The following JAKMIP2 variants were observed in gnomAD, a reference collection of about 807,000 sequenced individuals.
The protein encoded by JAKMIP2 is janus kinase and microtubule interacting protein 2.
In JAKMIP2, 25 loss-of-function variants were observed where a neutral mutation model predicts 115.0. The ratio of observed to expected loss-of-function variants is 0.22; its 90% confidence interval spans 0.16 to 0.30. The LOEUF is 0.30. Among genes scored for constraint, JAKMIP2 ranks in the 10% least tolerant of loss-of-function variants. The probability of loss-of-function intolerance (pLI) is 1.00; values close to 1 mark genes in which losing one functional copy is unlikely to be tolerated. For missense variants in JAKMIP2, 642 were observed against 957.6 expected (o/e 0.67, Z 4.35); for synonymous variants, 334 against 343.6 (o/e 0.97, Z 0.31).
At chr5:147,596,928 G>A (rs1755418818) in intron 21 of JAKMIP2, among the ~76,000 whole-genome samples, 1 of 152,078 alleles carries the variant, frequency 6.6e-6, no homozygotes, top group South Asian at 2.1e-4. Flanking sequence ...CTGGAGTGTA[G>A]TGGTACAATC....
chr5:147,655,442 T>C (rs1431649032), intron 3 of JAKMIP2, among the ~76,000 whole-genome samples: 1 of 152,204 alleles, frequency 6.6e-6, no homozygotes, highest in Non-Finnish European at 1.5e-5. Context: ...GGTGTAAGTG[T>C]CCAGGAATTC....
At chr5:147,627,678 TAA>T (rs768481105) in intron 16 of JAKMIP2, among the ~76,000 whole-genome samples, 1,686 of 70,250 alleles carry the variant, frequency 0.024, 49 homozygotes, top group East Asian at 0.14. Context: ...AGCCTTTCTG[TAA>T]AAAAAAAAAA....
chr5:147,652,037 A>T (rs1010956480), intron 3 of JAKMIP2, among the ~76,000 whole-genome samples: 3 of 152,182 alleles, frequency 2.0e-5, no homozygotes, highest in Admixed American at 6.5e-5. Context: ...TCATTCTATT[A>T]CTGCCCACAT....
chr5:147,704,631 A>T (rs1209660425), intron 1 of JAKMIP2, among the ~76,000 whole-genome samples: 2 of 152,164 alleles, frequency 1.3e-5, no homozygotes, highest in East Asian at 3.9e-4. Context: ...TAAATTAGCC[A>T]TTATTAGCTT....
At chr5:147,612,825 T>A (rs1756397396) in intron 19 of JAKMIP2, among the ~76,000 whole-genome samples, 1 of 152,238 alleles carries the variant, frequency 6.6e-6, no homozygotes. Context: ...AGATTTTGAT[T>A]GTTTGTTACC....
At chr5:147,720,900 A>G (rs1411885423) in intron 1 of JAKMIP2, among the ~76,000 whole-genome samples, 27 of 151,384 alleles carry the variant, frequency 1.8e-4, no homozygotes, top group Admixed American at 5.9e-4. Flanking sequence ...GAGGAACTGC[A>G]TTCCTTTGGA....
At chr5:147,688,569 T>C (rs995626345) in intron 1 of JAKMIP2, among the ~76,000 whole-genome samples, 1 of 152,220 alleles carries the variant, frequency 6.6e-6, no homozygotes, top group Non-Finnish European at 1.5e-5. Context: ...CTTTTAATCA[T>C]TCACATAACA....
intron 1 of JAKMIP2, among the ~76,000 whole-genome samples, chr5:147,779,458 G>T (rs2127095315): frequency 6.6e-6 from 1 of 151,582 alleles, no homozygotes; most frequent in African/African-American, 2.4e-5. Flanking sequence ...GAATTACTTT[G>T]TACAAAGACC....
chr5:147,758,349 G>A (rs1297271361), intron 1 of JAKMIP2, among the ~76,000 whole-genome samples: 1 of 151,920 alleles, frequency 6.6e-6, no homozygotes, highest in Non-Finnish European at 1.5e-5. Flanking sequence ...TTTTAGGAGA[G>A]GTAAAAATAA....
At chr5:147,686,908 A>C (rs1314320561) in intron 1 of JAKMIP2, among the ~76,000 whole-genome samples, 2 of 152,176 alleles carry the variant, frequency 1.3e-5, no homozygotes, top group African/African-American at 4.8e-5. Context: ...TTAAGTTTTA[A>C]GCTATTTCTA....
At chr5:147,646,116 G>T (rs887250712) in intron 5 of JAKMIP2, among the ~76,000 whole-genome samples, 2 of 152,136 alleles carry the variant, frequency 1.3e-5, no homozygotes, top group Non-Finnish European at 2.9e-5. Flanking sequence ...CTGTTCTTGA[G>T]ATTCTAAGAT....
rs373857667 is a variant in JAKMIP2, at chr5:147,673,098, T to C, written c.-148-1144A>G. ...AGAGAATGAATGCAAGAAGACCACA[T>C]AGAAGGCAACTGAATTTGTCCAGGT... On this transcript the variant is annotated intron_variant, in intron 1 of 21. Coordinates refer to ENST00000616793, the MANE Select transcript of JAKMIP2 (RefSeq NM_001270941.2). Among the ~76,000 whole-genome samples, 5 of 152,172 alleles carry C rather than the reference T, an allele frequency of 3.3e-5. No homozygotes were observed. In the South Asian group the frequency reaches 6.2e-4, roughly 19 times the overall value.
intron 1 of JAKMIP2, among the ~76,000 whole-genome samples, chr5:147,710,275 A>C (rs1390205155): frequency 6.6e-6 from 1 of 152,222 alleles, no homozygotes; most frequent in Non-Finnish European, 1.5e-5. Context: ...AAATTTTTTC[A>C]TATTATAAAT....
chr5:147,663,922 A>G (rs1759163274), intron 2 of JAKMIP2, among the ~76,000 whole-genome samples: 1 of 152,130 alleles, frequency 6.6e-6, no homozygotes, highest in Non-Finnish European at 1.5e-5. Flanking sequence ...GCTAGTTACC[A>G]TACTGCAAAT....
intron 12 of JAKMIP2, among the ~76,000 whole-genome samples, chr5:147,635,147 AC>A (rs1757553253): frequency 6.6e-6 from 1 of 151,854 alleles, no homozygotes; most frequent in Non-Finnish European, 1.5e-5. Flanking sequence ...ATTGCACTCC[AC>A]CCTGGGCAAC....
chr5:147,657,831 G>A (rs555969050), intron 3 of JAKMIP2, among the ~76,000 whole-genome samples: 5 of 151,866 alleles, frequency 3.3e-5, no homozygotes, highest in Admixed American at 6.6e-5. Context: ...CGAAGTTCTC[G>A]TGCAGTGTTC....
chr5:147,616,525 G>A (rs1756591122), intron 19 of JAKMIP2, among the ~76,000 whole-genome samples: 1 of 152,154 alleles, frequency 6.6e-6, no homozygotes, highest in Non-Finnish European at 1.5e-5. Context: ...CATCTTAAAA[G>A]TAAACACTTC....
At chr5:147,666,680 T>A (rs73270121) in intron 2 of JAKMIP2, among the ~76,000 whole-genome samples, 4,936 of 152,280 alleles carry the variant, frequency 0.032, 292 homozygotes, top group African/African-American at 0.11. Flanking sequence ...TCCAGGTAAG[T>A]TCCTACACCT....
chr5:147,663,555 G>A (rs918346792), intron 2 of JAKMIP2, among the ~76,000 whole-genome samples: 2 of 152,094 alleles, frequency 1.3e-5, no homozygotes, highest in African/African-American at 2.4e-5. Flanking sequence ...GTCAATACTC[G>A]TTAATAAACC....
Sources: gnomAD v4.1 joint callset for allele counts (sites outside exome capture counted in the v4.1 genomes callset) on GRCh38, gnomAD v4.1.1 for gene constraint, MANE v1.5 for transcripts, NCBI Gene and HGNC (gene_info 2026-07-23, HGNC 2026-07-21) for gene names.